Variants in USP29 observed in about 807,000 individuals in gnomAD.
USP29 encodes the protein ubiquitin specific peptidase 29.
For synonymous variants in USP29, 386 were observed against 387.4 expected (o/e 1.00, Z 0.04); for missense variants, 1,102 against 1,069.0 (o/e 1.03, Z -0.43).
intron 2 of USP29, among the ~76,000 whole-genome samples, chr19:57,123,589 A>G (rs752466566): frequency 1.1e-4 from 17 of 152,204 alleles, no homozygotes; most frequent in Non-Finnish European, 2.1e-4. Context: ...GTTGGAATGT[A>G]CAATGTGTGA....
rs2086863284 is a variant in USP29, at chr19:57,131,821, A to T, written c.*377A>T. Reference sequence around the variant, plus strand: ...GAGCCAGCAATCAGATGGAGATTCTAGTGCTCATGAAAGTTTGAAGAACAC... The same window carrying T: ...GAGCCAGCAATCAGATGGAGATTCTTGTGCTCATGAAAGTTTGAAGAACAC... On this transcript the variant is annotated 3_prime_UTR_variant, in exon 4 of 4. Coordinates refer to ENST00000254181, the MANE Select transcript of USP29 (RefSeq NM_020903.3). The T allele has an allele frequency of 2.3e-5, 5 of 213,546 alleles. No homozygotes were observed. The East Asian group carries it at 6.4e-4, about 27-fold the overall frequency. 13.2% of individuals were successfully genotyped at this position (213,546 alleles called of 1,614,324 possible).
Position 57,131,094 on chromosome 19 carries a change from G to A in USP29, c.2419G>A (p.Ala807Thr), listed in dbSNP as rs1385952505. Residue 807 changes from alanine to threonine, a missense_variant, in exon 4 of 4, where the codon GCC becomes ACC. Physicochemically the swap from Ala to Thr is moderately conservative, Grantham distance 58. Transcript: ENST00000254181. Reference sequence around the variant, plus strand: ...AGATGCAGAGAACACAAGAGGTGAAGCCAAGGAACTAACAAGAAACGTGAA... The same window carrying A: ...AGATGCAGAGAACACAAGAGGTGAAACCAAGGAACTAACAAGAAACGTGAA... ...ILDAENTRGE[A>T]KELTRNVKMG... 5.0e-6 allele frequency: 8 copies of A among 1,614,062 alleles called. No homozygotes were observed. The East Asian group carries it at 8.9e-5, about 18-fold the overall frequency.
chr19:57,122,927 A>G (rs577446147), intron 2 of USP29, among the ~76,000 whole-genome samples: 1 of 152,268 alleles, frequency 6.6e-6, no homozygotes, highest in African/African-American at 2.4e-5. Context: ...ACAGGATGAA[A>G]TGGAGGGGCT....
In USP29 at chr19:57,130,730, G is replaced by A. The variant is rs3764574; in HGVS notation, c.2055G>A (p.Val685=). ...TRLVEVHLQE[V]PQHPELQKYE... is the part of the protein sequence containing the mutation. The stretch of plus-strand genomic sequence containing the variant: ...TTGTCGAGGTTCATCTTCAAGAGGT[G>A]CCTCAACATCCAGAACTTCAGAAGT... The change falls in exon 4 of 4, where the codon GTG becomes GTA. Residue 685 remains valine (V), a synonymous_variant. Transcript: ENST00000254181. 0.52 allele frequency: 833,338 copies of A among 1,613,838 alleles called. 218,992 individuals are homozygous for A. The highest frequency in any genetic ancestry group is 0.56 in the South Asian group (51,426 of 91,068).
chr19:57,126,942 G>T (rs190470442), intron 3 of USP29, among the ~76,000 whole-genome samples: 251 of 152,274 alleles, frequency 1.6e-3, no homozygotes, highest in African/African-American at 5.7e-3. Context: ...TGGGGTTATT[G>T]TGTGGGGGTC....
Position 57,129,580 on chromosome 19 carries a change from C to A in USP29, c.905C>A (p.Ser302Ter), listed in dbSNP as rs762461791. Residue 302 changes from serine (S) to a stop codon, truncating the protein, a stop_gained, in exon 4 of 4, where the codon TCG becomes TAG. Transcript: ENST00000254181. LOFTEE classifies it low-confidence loss of function (END_TRUNC). ...NTCYMNAVLQ[S>*]LFAIPSFADD... ...TGTTACATGAATGCAGTTTTACAATCGCTATTTGCAATTCCATCTTTTGCT... is the reference window on the plus strand; with the variant it reads ...TGTTACATGAATGCAGTTTTACAATAGCTATTTGCAATTCCATCTTTTGCT... 6.2e-7 allele frequency: 1 copy of A among 1,614,060 alleles called. No individual in the cohort carries two copies. The highest frequency in any genetic ancestry group is 1.7e-5 in the Admixed American group (1 of 60,010).
Position 57,128,938 on chromosome 19 carries a change from C to T in USP29, c.263C>T (p.Ser88Phe), listed in dbSNP as rs866468815. The change falls in exon 4 of 4, where the codon TCC becomes TTC. Residue 88 changes from serine (S) to phenylalanine (F), a missense_variant. By Grantham distance (155) the Ser-to-Phe change is radical. Transcript: ENST00000254181. The part of the protein sequence containing the change: ...NNVFLFIDKL[S>F]YRDAKQLNMF... ...GTGTTCTTGTTTATTGACAAATTAT[C>T]CTACAGAGATGCTAAACAGTTGAAT... The T allele has an allele frequency of 6.2e-7, 1 of 1,614,024 alleles. No homozygotes were observed. The highest frequency in any genetic ancestry group is 1.1e-5 in the South Asian group (1 of 91,022).
chr19:57,124,611 C>T (rs1599915667), intron 3 of USP29, among the ~76,000 whole-genome samples: 2 of 151,816 alleles, frequency 1.3e-5, no homozygotes, highest in Admixed American at 6.6e-5. Flanking sequence ...AGGGTTCAAG[C>T]GATTCTCCTG....
At position 57,130,089 on chromosome 19, in the gene USP29, T is replaced by G; in HGVS notation, c.1414T>G (p.Ser472Ala). Residue 472 changes from serine (S) to alanine (A), a missense_variant, in exon 4 of 4, where the codon TCT becomes GCT. Transcript: ENST00000254181. ...TKPLPLSIQN[S>A]LDLFFKEEEL... Reference sequence around the variant, plus strand: ...ACCACTTCCTTTGTCCATTCAGAATTCTTTAGATCTTTTCTTTAAAGAAGA... The same window carrying G: ...ACCACTTCCTTTGTCCATTCAGAATGCTTTAGATCTTTTCTTTAAAGAAGA... The G allele has an allele frequency of 6.2e-7, 1 of 1,613,260 alleles. No individual in the cohort carries two copies. The highest frequency in any genetic ancestry group is 1.3e-5 in the African/African-American group (1 of 74,946).
chr19:57,120,859 C>T (rs936931744), intron 1 of USP29, among the ~76,000 whole-genome samples: 2 of 144,650 alleles, frequency 1.4e-5, no homozygotes, highest in African/African-American at 5.1e-5. Flanking sequence ...AATTCCAGAA[C>T]TTTGGGAGGC....
At position 57,130,446 on chromosome 19, in the gene USP29, C is replaced by G. The variant is rs1174604955; in HGVS notation, c.1771C>G (p.Leu591Val). The part of the protein sequence containing the change: ...MKLTSESSDS[L>V]VLPVEPDKNA... ...GCTGACCTCAGAATCCAGTGATTCCCTGGTTCTACCCGTTGAACCAGACAA... is the reference window on the plus strand; with the variant it reads ...GCTGACCTCAGAATCCAGTGATTCCGTGGTTCTACCCGTTGAACCAGACAA... Residue 591 changes from leucine to valine, a missense_variant, in exon 4 of 4, where the codon CTG (leucine) becomes GTG (valine). Transcript: ENST00000254181. The G allele has an allele frequency of 1.2e-6, 2 of 1,614,170 alleles. No individual in the cohort carries two copies. Among genetic ancestry groups the G allele is most frequent in the African/African-American group, 2.7e-5 (2 of 75,028 alleles).
chr19:57,129,720 G>T lies in USP29; in HGVS notation c.1045G>T (p.Glu349Ter). The T allele has an allele frequency of 1.2e-6, 2 of 1,613,814 alleles. No individual in the cohort carries two copies. The highest frequency in any genetic ancestry group is 1.3e-5 in the African/African-American group (1 of 75,032). Residue 349 changes from glutamate (E) to a stop codon, truncating the protein, a stop_gained, in exon 4 of 4, where the codon GAA becomes TAA. Transcript: ENST00000254181. LOFTEE classifies it low-confidence loss of function (END_TRUNC). Reference protein sequence around the residue: ...KDFCSTKIKRELLGNVKKVIS... With the variant: ...KDFCSTKIKR ...TTTCTGTAGTACAAAGATCAAGAGA[G>T]AATTACTTGGGAATGTTAAAAAAGT...
In USP29 at chr19:57,129,898, C is replaced by T. The variant is rs1229122171; in HGVS notation, c.1223C>T (p.Pro408Leu). ...GKECGDENSS[P>L]QMHVGSAATK... ...GAATGTGGGGATGAAAATTCATCTC[C>T]ACAAATGCATGTTGGTAGTGCTGCC... The change falls in exon 4 of 4, where the codon CCA (proline) becomes CTA (leucine). Residue 408 changes from proline (P) to leucine (L), a missense_variant. Transcript: ENST00000254181. 1 of 1,613,964 alleles carries T rather than the reference C, an allele frequency of 6.2e-7. No homozygotes were observed. The highest frequency in any genetic ancestry group is 1.3e-5 in the African/African-American group (1 of 74,914).
In USP29 at chr19:57,129,433, G is replaced by A. The variant is rs1433605051; in HGVS notation, c.758G>A (p.Gly253Asp). 6.2e-7 allele frequency: 1 copy of A among 1,614,140 alleles called. No homozygotes were observed. Among genetic ancestry groups the A allele is most frequent in the Non-Finnish European group, 8.5e-7 (1 of 1,180,030 alleles). ...ACCCAGACTCTCAATGCCAAAAATG[G>A]TTTGACATCTCCATTGGAACCAGAG... ...LATQTLNAKN[G>D]LTSPLEPEHS... is the part of the protein sequence containing the mutation. Residue 253 changes from glycine (G) to aspartate (D), a missense_variant, in exon 4 of 4, where the codon GGT (glycine) becomes GAT (aspartate). By Grantham distance (94) the Gly-to-Asp change is moderately conservative. Coordinates refer to ENST00000254181, the MANE Select transcript of USP29 (RefSeq NM_020903.3).
In USP29 at chr19:57,129,430, A is replaced by G. The variant is rs1246671224; in HGVS notation, c.755A>G (p.Asn252Ser). 1 of 1,614,060 alleles carries G rather than the reference A, an allele frequency of 6.2e-7. No individual in the cohort carries two copies. The highest frequency in any genetic ancestry group is 8.5e-7 in the Non-Finnish European group (1 of 1,180,046). ...GCAACCCAGACTCTCAATGCCAAAA[A>G]TGGTTTGACATCTCCATTGGAACCA... Reference protein sequence around the residue: ...VLATQTLNAKNGLTSPLEPEH... With the variant: ...VLATQTLNAKSGLTSPLEPEH... Residue 252 changes from asparagine (N) to serine (S), a missense_variant, in exon 4 of 4, where the codon AAT (asparagine) becomes AGT (serine). Physicochemically the swap from Asn to Ser is conservative, Grantham distance 46. Transcript: ENST00000254181.
In USP29 at chr19:57,122,406, G is replaced by A. The variant is rs2086802278; in HGVS notation, c.-186G>A. 6.6e-6 allele frequency: 1 copy of A among 152,042 alleles called. No individual in the cohort carries two copies. The highest frequency in any genetic ancestry group is 1.5e-5 in the Non-Finnish European group (1 of 68,040). The allele number at this position is 152,042 out of a possible 1,614,324, so 9.4% of individuals were successfully genotyped here. A position where few individuals can be genotyped will look rare whatever the true frequency, so the allele number is the denominator to read the frequency against. ...GGCCAGGAGTTTGGGACCACCCTGG[G>A]CAACATAGCAAGATCTCATTTCTGA... On this transcript the variant is annotated 5_prime_UTR_variant, in exon 2 of 4. Transcript: ENST00000254181.
At chr19:57,125,724 C>T (rs1397223716) in intron 3 of USP29, among the ~76,000 whole-genome samples, 2 of 152,018 alleles carry the variant, frequency 1.3e-5, no homozygotes, top group Non-Finnish European at 2.9e-5. Flanking sequence ...TCCAATTTGC[C>T]AGTCTGTATC....
In USP29 at chr19:57,131,701, G is replaced by A. The variant is rs2086862574; in HGVS notation, c.*257G>A. The A allele has an allele frequency of 4.1e-6, 2 of 486,020 alleles. No homozygotes were observed. 30.1% of individuals were successfully genotyped at this position (486,020 alleles called of 1,614,324 possible). A position where few individuals can be genotyped will look rare whatever the true frequency, so the allele number is the denominator to read the frequency against. On this transcript the variant is annotated 3_prime_UTR_variant, in exon 4 of 4. Transcript: ENST00000254181. ...TTTTGACGGTGGTTTTCAAAATGTTGTTCTTCAACCAGCAACAGCAACAGC... is the reference window on the plus strand; with the variant it reads ...TTTTGACGGTGGTTTTCAAAATGTTATTCTTCAACCAGCAACAGCAACAGC...
chr19:57,131,682 C>G lies in USP29; in HGVS notation c.*238C>G. On this transcript the variant is annotated 3_prime_UTR_variant, in exon 4 of 4. Coordinates refer to ENST00000254181, the MANE Select transcript of USP29 (RefSeq NM_020903.3). ...TAGAATGGTGCTCTTCACGTTTTGA[C>G]GGTGGTTTTCAAAATGTTGTTCTTC... The G allele has an allele frequency of 1.7e-6, 1 of 605,780 alleles. No homozygotes were observed. Among genetic ancestry groups the G allele is most frequent in the Non-Finnish European group, 2.7e-6 (1 of 374,742 alleles). The allele number at this position is 605,780 out of a possible 1,614,324, so 37.5% of individuals were successfully genotyped here.
Sources: gnomAD v4.1 joint callset for allele counts (sites outside exome capture counted in the v4.1 genomes callset) on GRCh38, gnomAD v4.1.1 for gene constraint, MANE v1.5 for transcripts, NCBI Gene and HGNC (gene_info 2026-07-23, HGNC 2026-07-21) for gene names.